The following STK3 variants were observed in gnomAD, a reference collection of about 807,000 sequenced individuals.
The protein encoded by STK3 is serine/threonine kinase 3.
In STK3, 41 loss-of-function variants were observed where a neutral mutation model predicts 58.0. The ratio of observed to expected loss-of-function variants is 0.71; its 90% CI spans 0.55 to 0.92. STK3 has a LOEUF of 0.92. Ranked by LOEUF, STK3 falls within the 40% of genes least tolerant of loss-of-function variation. The pLI is 0.00. For missense variants in STK3, 479 were observed against 602.7 expected (o/e 0.79, Z 2.15); for synonymous variants, 170 against 191.0 (o/e 0.89, Z 0.91).
intron 4 of STK3, among the ~76,000 whole-genome samples, chr8:98,723,956 T>C (rs1453603463): frequency 2.6e-5 from 4 of 152,154 alleles, no homozygotes; most frequent in Admixed American, 6.6e-5. Context: ...CAGCTTGCAT[T>C]TATTGAGTTC....
rs1487825772 is a variant in STK3 at position 98,801,934 on chromosome 8, G to A, written c.26+23581C>T. ...TACCTGCAATTCCAGCACTTTGGAA[G>A]GTCGAGGTGAAATGACTGCTTGAGG... On this transcript the variant is annotated intron_variant, in intron 1 of 10. Transcript: ENST00000419617. 2.0e-5 allele frequency among the ~76,000 whole-genome samples: 3 copies of A among 152,170 alleles called. No individual in the cohort carries two copies. In the East Asian group the frequency reaches 5.8e-4, roughly 29 times the overall value.
At chr8:98,765,710 G>C (rs915611452) in intron 3 of STK3, among the ~76,000 whole-genome samples, 2 of 152,252 alleles carry the variant, frequency 1.3e-5, no homozygotes, top group African/African-American at 4.8e-5. Flanking sequence ...CAAAGCACAT[G>C]CTAACGATGA....
At chr8:98,370,912 A>G (rs1322621228), downstream of STK3, among the ~76,000 whole-genome samples, 2 of 152,240 alleles carry the variant, frequency 1.3e-5, no homozygotes, top group Non-Finnish European at 2.9e-5. Flanking sequence ...TGCTAGGACC[A>G]TACAAAATAT....
chr8:98,859,971 G>A (rs1208035647), intron 3 of STK3, among the ~76,000 whole-genome samples: 1 of 152,240 alleles, frequency 6.6e-6, no homozygotes, highest in East Asian at 1.9e-4. Context: ...GGAGGAGTTG[G>A]TAATTATGCT....
intron 3 of STK3, among the ~76,000 whole-genome samples, chr8:98,858,514 C>T (rs1199888109): frequency 6.7e-6 from 1 of 149,612 alleles, no homozygotes; most frequent in African/African-American, 2.5e-5. Flanking sequence ...TTATGTTTAA[C>T]CGAAAAAGGT....
chr8:98,723,315 A>C (rs1161419789), intron 4 of STK3, among the ~76,000 whole-genome samples: 1 of 152,124 alleles, frequency 6.6e-6, no homozygotes, highest in Admixed American at 6.5e-5. Context: ...TTCACTGGCA[A>C]ATTTAAGAAG....
chr8:98,413,077 G>A (rs1431349611), intron 3 of STK3: 15 of 248,232 alleles, frequency 6.0e-5, no homozygotes, highest in South Asian at 4.6e-4. Context: ...GCAGTGGCGC[G>A]ATCTTGGCTC....
At chr8:98,607,325 C>A (rs953687409) in intron 6 of STK3, among the ~76,000 whole-genome samples, 1 of 152,128 alleles carries the variant, frequency 6.6e-6, no homozygotes, top group African/African-American at 2.4e-5. Context: ...CTAAGCCATT[C>A]TTTTCCTTTT....
chr8:98,607,799 A>G (rs1287397937), intron 6 of STK3, among the ~76,000 whole-genome samples: 1 of 152,240 alleles, frequency 6.6e-6, no homozygotes, highest in African/African-American at 2.4e-5. Flanking sequence ...GACATCATGG[A>G]AACACAGATG....
At chr8:98,397,047 CAG>C (rs1268753466), downstream of STK3, among the ~76,000 whole-genome samples, 2 of 152,184 alleles carry the variant, frequency 1.3e-5, no homozygotes, top group African/African-American at 4.8e-5. Flanking sequence ...AAATTAATGA[CAG>C]AGTCTGGCTC....
chr8:98,648,995 T>C (rs1820643913), intron 6 of STK3, among the ~76,000 whole-genome samples: 1 of 150,516 alleles, frequency 6.6e-6, no homozygotes, highest in Non-Finnish European at 1.5e-5. Context: ...AGGCAGATGT[T>C]GCAGTGAGCC....
chr8:98,390,606 G>GT (rs1050533055), upstream of STK3, among the ~76,000 whole-genome samples: 36 of 151,230 alleles, frequency 2.4e-4, no homozygotes, highest in Middle Eastern at 3.4e-3. Context: ...ATTTCTTCAA[G>GT]TTTTTTTTTG....
At chr8:98,429,123 C>T (rs1818292320) in intron 3 of STK3, 1 of 1,613,278 alleles carries the variant, frequency 6.2e-7, no homozygotes, top group Non-Finnish European at 8.5e-7. Context: ...GGATGTGGTC[C>T]CAGGGACCAC....
At chr8:98,641,579 A>C (rs1328017079) in intron 6 of STK3, among the ~76,000 whole-genome samples, 1 of 152,168 alleles carries the variant, frequency 6.6e-6, no homozygotes, top group Non-Finnish European at 1.5e-5. Flanking sequence ...TCATGTTGCC[A>C]ATTTACCAAC....
chr8:98,484,455 C>G (rs1219518400), intron 10 of STK3, among the ~76,000 whole-genome samples: 2 of 152,098 alleles, frequency 1.3e-5, no homozygotes, highest in African/African-American at 2.4e-5. Context: ...CCCCCAGCTA[C>G]CAAACTCACC....
chr8:98,480,530 G>A (rs1315419279), intron 10 of STK3, among the ~76,000 whole-genome samples: 3 of 152,180 alleles, frequency 2.0e-5, no homozygotes, highest in South Asian at 4.2e-4. Context: ...CACCTGCCTA[G>A]CTGCCACAGT....
intron 1 of STK3, among the ~76,000 whole-genome samples, chr8:98,928,859 T>A (rs1465835705): frequency 2.0e-5 from 3 of 152,296 alleles, no homozygotes; most frequent in African/African-American, 7.2e-5. Context: ...GATAACAGGT[T>A]TAGAATGAGG....
intron 1 of STK3, among the ~76,000 whole-genome samples, chr8:98,789,482 G>C (rs1460303996): frequency 6.6e-6 from 1 of 151,924 alleles, no homozygotes; most frequent in Non-Finnish European, 1.5e-5. Flanking sequence ...TCTTTGAAAA[G>C]ATAAAATAAA....
At position 98,767,444 on chromosome 8, in the gene STK3, T is replaced by C. The variant is rs988415885; in HGVS notation, c.108-73A>G. On this transcript the variant is annotated intron_variant, in intron 2 of 10. Transcript: ENST00000419617. The stretch of plus-strand genomic sequence containing the variant: ...ATAAGATTAAAAGTCTACTATGAGT[T>C]TTCTGTGGATAGTCTTTTCTAGTTT... The C allele has an allele frequency of 6.6e-6, 9 of 1,368,046 alleles. No homozygotes were observed. The African/African-American group carries it at 1.3e-4, about 20-fold the overall frequency. The allele number at this position is 1,368,046 out of a possible 1,614,324, so 84.7% of individuals were successfully genotyped here.
Sources: allele counts gnomAD v4.1 joint callset (sites outside exome capture counted in the v4.1 genomes callset), GRCh38; gene constraint gnomAD v4.1.1; transcripts MANE v1.5; gene names NCBI Gene and HGNC (gene_info 2026-07-23, HGNC 2026-07-21).